CAMTA1: variants seen among roughly 807,000 people sequenced by gnomAD.
CAMTA1 encodes the protein calmodulin-binding transcription activator 1.
Under a neutral mutation model 170.9 loss-of-function variants are expected in CAMTA1, and 27 were observed. The ratio of observed to expected loss-of-function variants is 0.16; its 90% CI spans 0.12 to 0.22. The LOEUF is 0.22. CAMTA1 is among the 10% of genes least tolerant of loss of function. The probability of loss-of-function intolerance (pLI) is 1.00; values close to 1 mark genes in which losing one functional copy is unlikely to be tolerated. For missense variants in CAMTA1, 1,619 were observed against 2,217.2 expected (o/e 0.73, Z 5.42); for synonymous variants, 833 against 891.5 (o/e 0.93, Z 1.17).
chr1:6,820,978 CAGTG>C lies in CAMTA1; in HGVS notation c.115+731_115+734del, dbSNP rs1302792016. Among the ~76,000 whole-genome samples, 5 of 152,168 alleles carry C rather than the reference CAGTG, an allele frequency of 3.3e-5. No individual in the cohort carries two copies. The South Asian group carries it at 6.2e-4, about 19-fold the overall frequency. ...GATTGAAAATGTAAATGTAGATAAA[CAGTG>C]AGAAGTTTATTGAACCTGAGTTATG... is the stretch of plus-strand genomic sequence containing the variant. On this transcript the variant is annotated intron_variant, in intron 2 of 22. Coordinates refer to ENST00000303635, the MANE Select transcript of CAMTA1 (RefSeq NM_015215.4).
chr1:7,448,406 C>A (rs953955947), intron 5 of CAMTA1, among the ~76,000 whole-genome samples: 3 of 152,192 alleles, frequency 2.0e-5, no homozygotes, highest in African/African-American at 7.2e-5. Flanking sequence ...GAGAACTGGT[C>A]TCCAGGTGGG....
At chr1:7,607,684 TG>T (rs1417066459) in intron 6 of CAMTA1, among the ~76,000 whole-genome samples, 3 of 151,918 alleles carry the variant, frequency 2.0e-5, no homozygotes, top group African/African-American at 7.3e-5. Flanking sequence ...GGTGAGTAGG[TG>T]GGTTGACAGA....
intron 5 of CAMTA1, among the ~76,000 whole-genome samples, chr1:7,429,916 A>T (rs553702874): frequency 1.3e-5 from 2 of 152,224 alleles, no homozygotes; most frequent in South Asian, 4.1e-4. Flanking sequence ...ACTTTTAAAC[A>T]ACCAGATCTA....
intron 11 of CAMTA1, among the ~76,000 whole-genome samples, chr1:7,709,240 TCTA>T (rs962791417): frequency 6.6e-6 from 1 of 152,230 alleles, no homozygotes; most frequent in Non-Finnish European, 1.5e-5. Context: ...AGCTGTATCT[TCTA>T]CTATGCCTAG....
intron 11 of CAMTA1, among the ~76,000 whole-genome samples, chr1:7,705,245 AG>A (rs964343670): frequency 7.0e-6 from 1 of 143,370 alleles, no homozygotes; most frequent in African/African-American, 2.6e-5. Flanking sequence ...GGCTGCAGGG[AG>A]GGGTGCGTTT....
intron 6 of CAMTA1, among the ~76,000 whole-genome samples, chr1:7,596,232 G>A (rs1411778927): frequency 6.6e-6 from 1 of 152,240 alleles, no homozygotes; most frequent in Non-Finnish European, 1.5e-5. Flanking sequence ...GAGGCTCTCT[G>A]AGGTGACAAA....
Position 7,218,385 on chromosome 1 carries a change from A to G in CAMTA1, c.303-31106A>G, listed in dbSNP as rs563961144. ...ACAGATGAAGACCACTTACATCGCC[A>G]CATTGAGTGGTTCGTGTGATTTTTA... On this transcript the variant is annotated intron_variant, in intron 4 of 22. Transcript: ENST00000303635. Among the ~76,000 whole-genome samples the G allele has an allele frequency of 9.9e-5, 15 of 152,224 alleles. No homozygotes were observed. The South Asian group carries it at 3.1e-3, about 32-fold the overall frequency.
chr1:6,893,654 C>T (rs1208894654), intron 3 of CAMTA1, among the ~76,000 whole-genome samples: 1 of 152,180 alleles, frequency 6.6e-6, no homozygotes, highest in East Asian at 1.9e-4. Context: ...TCTGCATGAT[C>T]TTGGAAGAGA....
intron 3 of CAMTA1, among the ~76,000 whole-genome samples, chr1:6,916,007 G>A (rs370528244): frequency 6.6e-6 from 1 of 152,196 alleles, no homozygotes; most frequent in African/African-American, 2.4e-5. Flanking sequence ...GGAGTGGGTG[G>A]TGGAGCCCTG....
intron 6 of CAMTA1, among the ~76,000 whole-genome samples, chr1:7,600,110 G>A (rs1340274392): frequency 2.6e-5 from 4 of 152,116 alleles, no homozygotes; most frequent in Admixed American, 2.0e-4. Flanking sequence ...TTTGAGATAC[G>A]TCCCATCAAT....
At chr1:7,691,527 T>C (rs181021476) in intron 11 of CAMTA1, among the ~76,000 whole-genome samples, 1 of 152,166 alleles carries the variant, frequency 6.6e-6, no homozygotes, top group African/African-American at 2.4e-5. Flanking sequence ...TGATGGTAAC[T>C]TGGCAGTTCT....
chr1:7,633,149 C>G lies in CAMTA1; in HGVS notation c.511-7251C>G, dbSNP rs2095683725. 4.6e-5 allele frequency among the ~76,000 whole-genome samples: 7 copies of G among 152,238 alleles called. No individual in the cohort carries two copies. Among genetic ancestry groups the G allele is most frequent in the Admixed American group, 6.5e-5 (1 of 15,284 alleles). On this transcript the variant is annotated intron_variant, in intron 6 of 22. Transcript: ENST00000303635. This position sits in a 1 kb window ranked among gnomAD's most constrained non-coding sequence, Gnocchi z 4.1. ...GCCCTCAGCTTGTCCCCCGTCCTCT[C>G]TTTGTCCCTGCAGTTTGGGTGAAAG...
At chr1:7,036,105 A>T (rs1303386998) in intron 3 of CAMTA1, among the ~76,000 whole-genome samples, 1 of 152,176 alleles carries the variant, frequency 6.6e-6, no homozygotes, top group Non-Finnish European at 1.5e-5. Context: ...GGGAGGGAGG[A>T]GAATGAGATG....
At chr1:6,865,024 GA>G (rs1226728548) in intron 3 of CAMTA1, among the ~76,000 whole-genome samples, 5 of 152,152 alleles carry the variant, frequency 3.3e-5, no homozygotes, top group African/African-American at 1.2e-4. Context: ...AGGCTGGTCT[GA>G]AACTTCTGGG....
chr1:7,329,290 G>GTT (rs760241634), intron 5 of CAMTA1, among the ~76,000 whole-genome samples: 5 of 152,000 alleles, frequency 3.3e-5, no homozygotes, highest in Admixed American at 3.3e-4. Flanking sequence ...ATGACTAAAT[G>GTT]TTTTCTAAAC....
chr1:7,614,073 G>A (rs2095542654), intron 6 of CAMTA1, among the ~76,000 whole-genome samples: 1 of 145,116 alleles, frequency 6.9e-6, no homozygotes, highest in South Asian at 2.4e-4. Flanking sequence ...GTAGGGGTGG[G>A]AGGAGAGGGA....
chr1:7,593,313 G>T (rs2095368821), intron 6 of CAMTA1, among the ~76,000 whole-genome samples: 1 of 152,120 alleles, frequency 6.6e-6, no homozygotes, highest in African/African-American at 2.4e-5. Context: ...GAGTCCTGGA[G>T]TCTCTGCTCT....
chr1:7,368,965 C>T (rs935905614), intron 5 of CAMTA1: 4 of 152,312 alleles, frequency 2.6e-5, no homozygotes, highest in African/African-American at 9.6e-5. Context: ...CCACCTTCCT[C>T]CTTCTGCTTC....
At chr1:7,411,466 G>A (rs1328481454) in intron 5 of CAMTA1, among the ~76,000 whole-genome samples, 1 of 143,072 alleles carries the variant, frequency 7.0e-6, no homozygotes, top group Non-Finnish European at 1.5e-5. Flanking sequence ...TAGAACCTGG[G>A]AGGCGGAGGT....
Sources: gnomAD v4.1 joint callset for allele counts (sites outside exome capture counted in the v4.1 genomes callset) on GRCh38, gnomAD v4.1.1 for gene constraint, Gnocchi (gnomAD v3.1) non-coding constraint, MANE v1.5 for transcripts, NCBI Gene and HGNC (gene_info 2026-07-23, HGNC 2026-07-21) for gene names.